The following CTNNA2 variants were observed in gnomAD, a reference collection of about 807,000 sequenced individuals.
CTNNA2 encodes the protein catenin alpha-2.
CTNNA2 carries 42 observed loss-of-function variants against 101.0 expected under a neutral mutation model. That is an observed-to-expected ratio of 0.42 (90% CI 0.32 to 0.54). The LOEUF (loss-of-function observed/expected upper bound fraction) is 0.54, where lower values mean the gene tolerates loss of function less well. CTNNA2 is among the 20% of genes least tolerant of loss of function. The probability of loss-of-function intolerance (pLI) is 0.14; values close to 1 mark genes in which losing one functional copy is unlikely to be tolerated. For missense variants in CTNNA2, 871 were observed against 1,223.1 expected (o/e 0.71, Z 4.29); for synonymous variants, 450 against 456.4 (o/e 0.99, Z 0.18).
chr2:80,565,773 C>T (rs1694006391), intron 12 of CTNNA2, among the ~76,000 whole-genome samples: 1 of 152,070 alleles, frequency 6.6e-6, no homozygotes, highest in South Asian at 2.1e-4. Flanking sequence ...CCACTCGATT[C>T]CCGATTCCCG....
chr2:79,247,637 G>GA (rs1674715895), intron 2 of CTNNA2, among the ~76,000 whole-genome samples: 1 of 152,182 alleles, frequency 6.6e-6, no homozygotes, highest in African/African-American at 2.4e-5. Context: ...AATAATGTCA[G>GA]TTATTATCAA....
intron 17 of CTNNA2, among the ~76,000 whole-genome samples, chr2:80,615,706 C>T (rs1169919389): frequency 6.6e-6 from 1 of 151,602 alleles, no homozygotes; most frequent in Non-Finnish European, 1.5e-5. Context: ...TCTGTCCCTG[C>T]AGATTATTTT....
chr2:80,507,236 G>GC (rs1354387533), intron 9 of CTNNA2, among the ~76,000 whole-genome samples: 4 of 152,296 alleles, frequency 2.6e-5, no homozygotes, highest in Non-Finnish European at 5.9e-5. Context: ...AAAGTACTTA[G>GC]CAAGCGACGG....
chr2:79,616,345 T>C (rs764225425), intron 1 of CTNNA2, among the ~76,000 whole-genome samples: 2 of 152,164 alleles, frequency 1.3e-5, no homozygotes, highest in Non-Finnish European at 2.9e-5. Flanking sequence ...AAGGAAGGTC[T>C]ATAGAGACTA....
At chr2:80,361,290 C>T (rs546389509) in intron 7 of CTNNA2, among the ~76,000 whole-genome samples, 145 of 152,160 alleles carry the variant, frequency 9.5e-4, no homozygotes, top group Admixed American at 1.8e-3. Flanking sequence ...AATAGTAATA[C>T]GTGGTTAAAA....
chr2:79,882,207 G>C (rs1265056709), intron 6 of CTNNA2, among the ~76,000 whole-genome samples: 1 of 152,104 alleles, frequency 6.6e-6, no homozygotes, highest in East Asian at 1.9e-4. Context: ...CTTTGTAGGT[G>C]ACCTGGCCTT....
chr2:79,321,641 G>A (rs1322060917), intron 3 of CTNNA2, among the ~76,000 whole-genome samples: 2 of 152,140 alleles, frequency 1.3e-5, no homozygotes, highest in Non-Finnish European at 2.9e-5. Flanking sequence ...AATAAGCAGA[G>A]CAGATTTTAT....
chr2:79,944,616 T>A (rs942376333), intron 7 of CTNNA2, among the ~76,000 whole-genome samples: 2 of 151,612 alleles, frequency 1.3e-5, no homozygotes, highest in Non-Finnish European at 2.9e-5. Flanking sequence ...GACCTGGAAA[T>A]CTAAGCTTGA....
intron 3 of CTNNA2, among the ~76,000 whole-genome samples, chr2:79,347,776 C>T (rs1336595004): frequency 7.1e-6 from 1 of 141,140 alleles, no homozygotes; most frequent in Non-Finnish European, 1.5e-5. Context: ...TTTCCTACGT[C>T]TCCTAGCCTT....
chr2:79,915,270 G>C (rs1398791708), intron 7 of CTNNA2, among the ~76,000 whole-genome samples: 1 of 150,542 alleles, frequency 6.6e-6, no homozygotes, highest in East Asian at 2.0e-4. Flanking sequence ...CAATGTTTCT[G>C]AGCATATAGG....
intron 4 of CTNNA2, among the ~76,000 whole-genome samples, chr2:79,466,565 C>T (rs533477968): frequency 4.1e-4 from 63 of 152,042 alleles, no homozygotes; most frequent in South Asian, 1.0e-3. Context: ...GATCTGAGAA[C>T]GGACAGACTG....
chr2:79,195,324 C>T (rs981266175), intron 1 of CTNNA2, among the ~76,000 whole-genome samples: 1 of 152,158 alleles, frequency 6.6e-6, no homozygotes, highest in African/African-American at 2.4e-5. Context: ...GGAACTCAAA[C>T]CTCATAAAAG....
chr2:79,458,313 C>T (rs1670846123), intron 4 of CTNNA2, among the ~76,000 whole-genome samples: 1 of 152,130 alleles, frequency 6.6e-6, no homozygotes, highest in Non-Finnish European at 1.5e-5. Context: ...GAAGCCTTCT[C>T]TTTTTACAAA....
chr2:79,291,305 A>G (rs565335125), intron 2 of CTNNA2, among the ~76,000 whole-genome samples: 2 of 152,350 alleles, frequency 1.3e-5, no homozygotes, highest in South Asian at 4.1e-4. Flanking sequence ...AAATGAGACT[A>G]TCCCAGGAGA....
intron 2 of CTNNA2, among the ~76,000 whole-genome samples, chr2:79,294,865 G>A (rs946307577): frequency 6.6e-6 from 1 of 151,928 alleles, no homozygotes; most frequent in Admixed American, 6.6e-5. Context: ...TATCTTATCT[G>A]CTGATTGACA....
At chr2:80,212,997 G>T (rs1220858313) in intron 7 of CTNNA2, among the ~76,000 whole-genome samples, 3 of 152,058 alleles carry the variant, frequency 2.0e-5, no homozygotes, top group Admixed American at 1.3e-4. Flanking sequence ...TAGTTTATTT[G>T]CACAGAGGTG....
chr2:80,033,401 G>C (rs1695431921), intron 7 of CTNNA2, among the ~76,000 whole-genome samples: 1 of 151,616 alleles, frequency 6.6e-6, no homozygotes, highest in African/African-American at 2.4e-5. Context: ...GGTGGACTCT[G>C]TCTCCACAAA....
intron 7 of CTNNA2, among the ~76,000 whole-genome samples, chr2:80,252,219 A>G (rs572434837): frequency 1.3e-5 from 2 of 152,284 alleles, no homozygotes; most frequent in Admixed American, 6.5e-5. Context: ...TGACCCTCTT[A>G]ATATCTGGAA....
intron 7 of CTNNA2, among the ~76,000 whole-genome samples, chr2:80,178,244 A>G (rs915364905): frequency 2.0e-5 from 3 of 152,162 alleles, no homozygotes; most frequent in Non-Finnish European, 4.4e-5. Context: ...ACATTTGATG[A>G]TGGAATGGTG....
Sources: allele counts gnomAD v4.1 joint callset (sites outside exome capture counted in the v4.1 genomes callset), GRCh38; gene constraint gnomAD v4.1.1; transcripts MANE v1.5; gene names NCBI Gene and HGNC (gene_info 2026-07-23, HGNC 2026-07-21).